The following AJAP1 variants were observed in gnomAD, a reference collection of about 807,000 sequenced individuals.
AJAP1 encodes adherens junction-associated protein 1.
In AJAP1, 5 loss-of-function variants were observed where a neutral mutation model predicts 35.0. That is an observed-to-expected ratio of 0.14 (90% CI 0.07 to 0.30). AJAP1 has a LOEUF of 0.30. AJAP1 is among the 10% of genes least tolerant of loss of function. The probability of loss-of-function intolerance (pLI) is 1.00; values close to 1 mark genes in which losing one functional copy is unlikely to be tolerated. For synonymous variants in AJAP1, 284 were observed against 249.3 expected, an observed-to-expected ratio of 1.14 and a Z score of -1.31; for missense variants, 586 against 571.0, an observed-to-expected ratio of 1.03 and a Z score of -0.27.
intron 1 of AJAP1, among the ~76,000 whole-genome samples, chr1:4,689,775 A>G (rs1034050863): frequency 6.6e-6 from 1 of 152,208 alleles, no homozygotes; most frequent in Non-Finnish European, 1.5e-5. Flanking sequence ...AGCCTTGGAA[A>G]AATTCAGGAG....
intron 2 of AJAP1, among the ~76,000 whole-genome samples, chr1:4,753,608 T>C (rs1641366003): frequency 6.6e-6 from 1 of 152,206 alleles, no homozygotes; most frequent in Non-Finnish European, 1.5e-5. Flanking sequence ...GTTTCGTTCT[T>C]GTCACCCGGG....
chr1:4,659,410 A>G (rs1034154720), intron 1 of AJAP1, among the ~76,000 whole-genome samples: 1 of 152,174 alleles, frequency 6.6e-6, no homozygotes, highest in African/African-American at 2.4e-5. Flanking sequence ...CAAACGTGGT[A>G]CAGTCGACTC....
intron 2 of AJAP1, among the ~76,000 whole-genome samples, chr1:4,724,583 G>T (rs1640606715): frequency 6.6e-6 from 1 of 151,946 alleles, no homozygotes; most frequent in Non-Finnish European, 1.5e-5. Flanking sequence ...ATAATTGCCA[G>T]TGTCATCTGC....
At chr1:4,732,546 C>G (rs1432600947) in intron 2 of AJAP1, among the ~76,000 whole-genome samples, 2 of 152,230 alleles carry the variant, frequency 1.3e-5, no homozygotes, top group East Asian at 3.9e-4. Context: ...CCTTCGGGGG[C>G]CCCCAGAATT....
chr1:4,733,247 A>T (rs1400598763), intron 2 of AJAP1, among the ~76,000 whole-genome samples: 2 of 151,602 alleles, frequency 1.3e-5, no homozygotes, highest in Non-Finnish European at 2.9e-5. Flanking sequence ...CCTTCAGATG[A>T]TCTGCATACC....
chr1:4,755,835 C>T (rs887352511), intron 2 of AJAP1, among the ~76,000 whole-genome samples: 4 of 151,814 alleles, frequency 2.6e-5, no homozygotes, highest in East Asian at 3.9e-4. Flanking sequence ...GGATTAAAAA[C>T]GACTAGGAGG....
Position 4,783,339 on chromosome 1 carries a change from A to G in AJAP1, c.*854A>G, listed in dbSNP as rs543025555. The stretch of plus-strand genomic sequence containing the variant: ...ATTCCATCACCATTCACCCCAGGGG[A>G]CAGCCTCGACCGAGACAAGGAGGCC... On this transcript the variant is annotated 3_prime_UTR_variant, in exon 6 of 6. Transcript: ENST00000378191. 1 of 151,722 alleles carries G rather than the reference A, an allele frequency of 6.6e-6. No homozygotes were observed. Among genetic ancestry groups the G allele is most frequent in the African/African-American group, 2.4e-5 (1 of 41,338 alleles). 9.4% of individuals were successfully genotyped at this position (151,722 alleles called of 1,614,324 possible). A position where few individuals can be genotyped will look rare whatever the true frequency, so the allele number is the denominator to read the frequency against.
intron 2 of AJAP1, among the ~76,000 whole-genome samples, chr1:4,737,276 TG>T (rs1640947537): frequency 6.6e-6 from 1 of 152,058 alleles, no homozygotes; most frequent in Non-Finnish European, 1.5e-5. Context: ...AGCCTGAGCC[TG>T]AGCCTGCCCC....
chr1:4,695,646 G>A (rs1196651255), intron 1 of AJAP1, among the ~76,000 whole-genome samples: 1 of 152,178 alleles, frequency 6.6e-6, no homozygotes, highest in Non-Finnish European at 1.5e-5. Context: ...CTGCAGGGCT[G>A]GTTCCTGCTG....
rs182504992 is a variant in AJAP1, at chr1:4,668,782, C to T, written c.29+13328C>T. Among the ~76,000 whole-genome samples, 6 of 152,294 alleles carry T rather than the reference C, an allele frequency of 3.9e-5. No homozygotes were observed. The East Asian group carries it at 9.7e-4, about 25-fold the overall frequency. The stretch of plus-strand genomic sequence containing the variant: ...GGGGCACATCCAGGGTTAATGCCCA[C>T]GGGGTGGAGCCTTCACTGTCCAGGC... On this transcript the variant is annotated intron_variant, in intron 1 of 5. Transcript: ENST00000378191.
intron 5 of AJAP1, among the ~76,000 whole-genome samples, chr1:4,781,815 G>A (rs985441004): frequency 6.6e-6 from 1 of 152,202 alleles, no homozygotes; most frequent in African/African-American, 2.4e-5. Context: ...CCTACTGGGG[G>A]CTCTCACTCA....
At chr1:4,778,606 TC>T (rs1439125313) in intron 5 of AJAP1, among the ~76,000 whole-genome samples, 21 of 142,904 alleles carry the variant, frequency 1.5e-4, no homozygotes, top group African/African-American at 3.9e-4. Flanking sequence ...TCTCTCTCTC[TC>T]TCTCTCTTCT....
At chr1:4,754,738 A>G (rs1014078297) in intron 2 of AJAP1, among the ~76,000 whole-genome samples, 5 of 152,202 alleles carry the variant, frequency 3.3e-5, no homozygotes, top group African/African-American at 1.2e-4. Context: ...AACATGGATT[A>G]AGACGTTGCT....
chr1:4,704,026 G>C (rs186087780), intron 1 of AJAP1, among the ~76,000 whole-genome samples: 2 of 152,130 alleles, frequency 1.3e-5, no homozygotes, highest in African/African-American at 2.4e-5. Context: ...GAAATGTTTG[G>C]AACATTGAAG....
chr1:4,667,636 G>A lies in AJAP1; in HGVS notation c.29+12182G>A, dbSNP rs549478902. Reference sequence around the variant, plus strand: ...ATCTGACAGGAGGCGGAGCTCAGATGGTGATGCTGGCTCACCCACTGCTCA... The same window carrying A: ...ATCTGACAGGAGGCGGAGCTCAGATAGTGATGCTGGCTCACCCACTGCTCA... On this transcript the variant is annotated intron_variant, in intron 1 of 5. Coordinates refer to ENST00000378191, the MANE Select transcript of AJAP1 (RefSeq NM_018836.4). 8.5e-5 allele frequency among the ~76,000 whole-genome samples: 13 copies of A among 152,308 alleles called. No homozygotes were observed. The East Asian group carries it at 2.5e-3, about 29-fold the overall frequency.
chr1:4,680,200 C>T (rs543167556), intron 1 of AJAP1, among the ~76,000 whole-genome samples: 2 of 152,256 alleles, frequency 1.3e-5, no homozygotes, highest in African/African-American at 4.8e-5. Flanking sequence ...ATCAGCTTTA[C>T]TCAGTCCACT....
intron 3 of AJAP1, among the ~76,000 whole-genome samples, chr1:4,771,265 G>A (rs1313428561): frequency 6.6e-6 from 1 of 152,182 alleles, no homozygotes; most frequent in Non-Finnish European, 1.5e-5. Flanking sequence ...CCTGCGTTTG[G>A]CATTCACCTT....
rs1287331187 is a variant in AJAP1 at position 4,761,578 on chromosome 1, G to A, written c.830-8275G>A. On this transcript the variant is annotated intron_variant, in intron 2 of 5. Coordinates refer to ENST00000378191, the MANE Select transcript of AJAP1 (RefSeq NM_018836.4). The stretch of plus-strand genomic sequence containing the variant: ...ACAATCAGAATCTGTATTAGTCAGG[G>A]TTCTCTAGAGGGACAGAACTAACAG... 2.6e-5 allele frequency among the ~76,000 whole-genome samples: 4 copies of A among 152,186 alleles called. No homozygotes were observed. The East Asian group carries it at 7.7e-4, about 29-fold the overall frequency.
intron 1 of AJAP1, among the ~76,000 whole-genome samples, chr1:4,710,209 C>A (rs994540658): frequency 1.3e-5 from 2 of 152,128 alleles, no homozygotes; most frequent in Non-Finnish European, 2.9e-5. Flanking sequence ...CTCATACACA[C>A]TGACACACAC....
Sources: gnomAD v4.1 joint callset for allele counts (sites outside exome capture counted in the v4.1 genomes callset) on GRCh38, gnomAD v4.1.1 for gene constraint, MANE v1.5 for transcripts, NCBI Gene and HGNC (gene_info 2026-07-23, HGNC 2026-07-21) for gene names.